TEX11: variants seen among roughly 807,000 people sequenced by gnomAD.
TEX11 encodes testis expressed 11.
TEX11 carries 7 observed loss-of-function variants against 84.4 expected under a neutral mutation model. The observed-to-expected ratio is 0.08, with a 90% CI of 0.05 to 0.16. TEX11 has a LOEUF of 0.16. Ranked by LOEUF, TEX11 falls within the 10% of genes least tolerant of loss-of-function variation. The probability of loss-of-function intolerance (pLI) is 1.00; values close to 1 mark genes in which losing one functional copy is unlikely to be tolerated. For synonymous variants in TEX11, 264 were observed against 222.8 expected (o/e 1.18, Z -1.64); for missense variants, 551 against 660.5 (o/e 0.83, Z 1.82).
At chrX:70,871,035 C>T (rs900548186) in intron 4 of TEX11, among the ~76,000 whole-genome samples, 6 of 112,008 alleles carry the variant, frequency 5.4e-5, no homozygotes, top group South Asian at 7.4e-4. Context: ...GCTTCAGCCT[C>T]CCAAGTAGCT....
intron 11 of TEX11, among the ~76,000 whole-genome samples, chrX:70,729,095 G>C (rs771195789): frequency 1.1e-5 from 1 of 93,248 alleles, no homozygotes; most frequent in African/African-American, 3.9e-5. Flanking sequence ...ACCTGCAGCT[G>C]AGGGTCCTGA....
rs762516688 is a variant in TEX11, at chrX:70,873,238, C to T, written c.229G>A (p.Glu77Lys). The change falls in exon 4 of 30, where the codon GAG (glutamate) becomes AAG (lysine). Residue 77 changes from glutamate (E) to lysine (K), a missense_variant. Glu to Lys is a moderately conservative substitution (Grantham distance 56). Transcript: ENST00000374333. ...GTATACATACATCTAATTTTCTGCT[C>T]TTCATTTACAAGCCAACCTCCTCCT... ...TIGGGWLVNE[E>K]QKIRLHYVAC... The T allele has an allele frequency of 1.7e-6, 2 of 1,185,474 alleles. No individual in the cohort carries two copies. Among genetic ancestry groups the T allele is most frequent in the Non-Finnish European group, 2.3e-6 (2 of 871,789 alleles).
chrX:70,891,413 G>T (rs143101263), intron 2 of TEX11, among the ~76,000 whole-genome samples: 2,760 of 111,134 alleles, frequency 0.025, 132 homozygotes, highest in East Asian at 0.15. Context: ...ACTTCAAAAG[G>T]TCAGTAATAA....
At chrX:70,638,431 A>G (rs1157571023) in intron 17 of TEX11, among the ~76,000 whole-genome samples, 1 of 111,726 alleles carries the variant, frequency 9.0e-6, no homozygotes, top group Non-Finnish European at 1.9e-5. Context: ...ACTTTACCAG[A>G]CAAACAAAAG....
intron 9 of TEX11, among the ~76,000 whole-genome samples, chrX:70,759,295 G>A (rs1045892712): frequency 9.0e-6 from 1 of 111,486 alleles, no homozygotes; most frequent in South Asian, 3.8e-4. Context: ...TGACACCAAA[G>A]CCTGGCAGGG....
At chrX:70,855,108 T>C (rs984285302) in intron 5 of TEX11, among the ~76,000 whole-genome samples, 2 of 110,893 alleles carry the variant, frequency 1.8e-5, no homozygotes, top group African/African-American at 3.3e-5. Flanking sequence ...TAAAAATATA[T>C]ATAATTAAGT....
At chrX:70,825,303 C>A (rs982977752) in intron 8 of TEX11, among the ~76,000 whole-genome samples, 7 of 108,080 alleles carry the variant, frequency 6.5e-5, no homozygotes, top group Admixed American at 1.0e-4. Flanking sequence ...CAGAGGGAGA[C>A]TCAGTCTCAA....
At chrX:70,877,060 G>T (rs1021669749) in intron 3 of TEX11, among the ~76,000 whole-genome samples, 1 of 111,443 alleles carries the variant, frequency 9.0e-6, no homozygotes, top group Non-Finnish European at 1.9e-5. Flanking sequence ...TTGGGAGGCC[G>T]AGGTGGGTGG....
rs188847536 is a variant in TEX11 at position 70,908,075 on chromosome X, G to T, written c.-21-265C>A. On this transcript the variant is annotated intron_variant, in intron 1 of 29. Transcript: ENST00000374333. ...CCTGTTATTGGTCTGGCTGGGTCTC[G>T]CTGCTTCTTCCTAATTGGCTCAAAA... Among the ~76,000 whole-genome samples the T allele has an allele frequency of 1.3e-3, 149 of 111,324 alleles. 1 individual carries two copies. The highest frequency in any genetic ancestry group is 4.7e-3 in the Middle Eastern group (1 of 215).
At chrX:70,555,854 G>A (rs1479447317) in intron 25 of TEX11, among the ~76,000 whole-genome samples, 1 of 111,931 alleles carries the variant, frequency 8.9e-6, no homozygotes, top group African/African-American at 3.2e-5. Flanking sequence ...TCTTGAGGGA[G>A]CTTTGGTAGT....
chrX:70,688,957 G>C (rs2090212668), intron 13 of TEX11, among the ~76,000 whole-genome samples: 1 of 109,777 alleles, frequency 9.1e-6, no homozygotes, highest in South Asian at 3.9e-4. Flanking sequence ...AATAAGTAGA[G>C]TCTGTAAGAA....
rs187397197 is a variant in TEX11, at chrX:70,549,474, C to A, written c.2520+2652G>T. Among the ~76,000 whole-genome samples the A allele has an allele frequency of 1.8e-4, 20 of 111,659 alleles. No homozygotes were observed. The East Asian group carries it at 5.7e-3, about 32-fold the overall frequency. ...GCACCAAGTGGGCTCCTAGGGTCCC[C>A]GGTTCCAGGCCTTGGCTCTTGGATG... is the stretch of plus-strand genomic sequence containing the variant. On this transcript the variant is annotated intron_variant, in intron 28 of 29. Coordinates refer to ENST00000374333, the MANE Select transcript of TEX11 (RefSeq NM_031276.3).
chrX:70,628,656 T>C (rs772930949), intron 18 of TEX11, among the ~76,000 whole-genome samples: 1 of 112,293 alleles, frequency 8.9e-6, no homozygotes, highest in Non-Finnish European at 1.9e-5. Context: ...GCCCAATATC[T>C]TGCCCAAAGT....
At chrX:70,732,377 G>T (rs2090660079) in intron 11 of TEX11, among the ~76,000 whole-genome samples, 1 of 111,626 alleles carries the variant, frequency 9.0e-6, no homozygotes, top group African/African-American at 3.3e-5. Context: ...GTTTGCAGAT[G>T]ACATGATTGT....
chrX:70,865,891 G>C (rs756167985), intron 4 of TEX11, among the ~76,000 whole-genome samples: 1 of 111,968 alleles, frequency 8.9e-6, no homozygotes, highest in Non-Finnish European at 1.9e-5. Context: ...AGCTAAAGCA[G>C]TGTTAAGTGG....
chrX:70,537,609 A>G (rs1475154261), intron 28 of TEX11, among the ~76,000 whole-genome samples: 1 of 111,667 alleles, frequency 9.0e-6, no homozygotes, highest in Non-Finnish European at 1.9e-5. Flanking sequence ...AAAAAAAGGT[A>G]GTTAGACTGG....
chrX:70,669,709 T>C (rs1016044907), intron 16 of TEX11, among the ~76,000 whole-genome samples: 18 of 113,015 alleles, frequency 1.6e-4, no homozygotes, highest in African/African-American at 5.8e-4. Flanking sequence ...CATTAAAACT[T>C]GAAAGGCAAC....
At chrX:70,535,379 C>T (rs1216114938) in intron 28 of TEX11, among the ~76,000 whole-genome samples, 1 of 111,953 alleles carries the variant, frequency 8.9e-6, no homozygotes, top group Non-Finnish European at 1.9e-5. Context: ...TTCTGGGAAG[C>T]TGCCAGACTT....
At chrX:70,637,255 G>C (rs2089586836) in intron 17 of TEX11, among the ~76,000 whole-genome samples, 1 of 111,917 alleles carries the variant, frequency 8.9e-6, no homozygotes, top group Non-Finnish European at 1.9e-5. Context: ...AACAACAGAT[G>C]CTGGCAAGGT....
Sources: allele counts gnomAD v4.1 joint callset (sites outside exome capture counted in the v4.1 genomes callset), GRCh38; gene constraint gnomAD v4.1.1; transcripts MANE v1.5; gene names NCBI Gene and HGNC (gene_info 2026-07-23, HGNC 2026-07-21).